FAM193A: variants seen among roughly 807,000 people sequenced by gnomAD.
The protein encoded by FAM193A is family with sequence similarity 193 member A.
In FAM193A, 22 loss-of-function variants were observed where a neutral mutation model predicts 126.5. That is an observed-to-expected ratio of 0.17 (90% CI 0.12 to 0.25). The LOEUF (loss-of-function observed/expected upper bound fraction) is 0.25, where lower values mean the gene tolerates loss of function less well. FAM193A is among the 10% of genes least tolerant of loss of function. The probability of loss-of-function intolerance (pLI) is 1.00; values close to 1 mark genes in which losing one functional copy is unlikely to be tolerated. For missense variants in FAM193A, 1,675 were observed against 1,672.8 expected, an observed-to-expected ratio of 1.00 and a Z score of -0.02; for synonymous variants, 761 against 646.8, an observed-to-expected ratio of 1.18 and a Z score of -2.68.
chr4:2,633,120 G>A lies in FAM193A; in HGVS notation c.1038+1951G>A, dbSNP rs559072067. ...AAATAATTTCTTGTGGCTTGAGGCC[G>A]GGTGCGGTGGCTCACGCCTGTAATT... On this transcript the variant is annotated intron_variant, in intron 5 of 20. Coordinates refer to ENST00000637812, the MANE Select transcript of FAM193A (RefSeq NM_001366318.2). Among the ~76,000 whole-genome samples the A allele has an allele frequency of 1.9e-4, 29 of 152,076 alleles. No individual in the cohort carries two copies. The South Asian group carries it at 5.0e-3, about 26-fold the overall frequency.
At chr4:2,693,118 C>A (rs1238009568) in intron 15 of FAM193A, among the ~76,000 whole-genome samples, 2 of 151,966 alleles carry the variant, frequency 1.3e-5, no homozygotes, top group African/African-American at 4.8e-5. Flanking sequence ...GTGGTGCGAT[C>A]TGTGATCCTC....
intron 1 of FAM193A, among the ~76,000 whole-genome samples, chr4:2,546,158 AAT>A (rs1491320522): frequency 1.2e-4 from 18 of 149,382 alleles, no homozygotes; most frequent in South Asian, 4.2e-4. Context: ...AAAAAAAAAA[AAT>A]TTTTTTTTTT....
In FAM193A at chr4:2,732,395, C is replaced by A; in HGVS notation, c.*527C>A. 1 of 165,546 alleles carries A rather than the reference C, an allele frequency of 6.0e-6. No homozygotes were observed. Among genetic ancestry groups the A allele is most frequent in the Non-Finnish European group, 1.3e-5 (1 of 76,108 alleles). The allele number at this position is 165,546 out of a possible 1,614,324, so 10.3% of individuals were successfully genotyped here. A position where few individuals can be genotyped will look rare whatever the true frequency, so the allele number is the denominator to read the frequency against. Reference sequence around the variant, plus strand: ...ACTTGTAGCCAGCTTGTGTAAGATCCCTTGCAGAACGAGAAAGTTAAAAAC... The same window carrying A: ...ACTTGTAGCCAGCTTGTGTAAGATCACTTGCAGAACGAGAAAGTTAAAAAC... On this transcript the variant is annotated 3_prime_UTR_variant, in exon 21 of 21. Transcript: ENST00000637812.
At chr4:2,713,963 G>A (rs1267430626) in intron 19 of FAM193A, among the ~76,000 whole-genome samples, 1 of 152,194 alleles carries the variant, frequency 6.6e-6, no homozygotes, top group Non-Finnish European at 1.5e-5. Flanking sequence ...GGTTAAAGTT[G>A]TGTTTCCTGT....
At chr4:2,591,737 T>C (rs1033428500) in intron 1 of FAM193A, among the ~76,000 whole-genome samples, 1 of 152,220 alleles carries the variant, frequency 6.6e-6, no homozygotes, top group Non-Finnish European at 1.5e-5. Context: ...AAAACTAGAA[T>C]ATAAGCCTAG....
intron 20 of FAM193A, 60 bp from the exon 21 acceptor site, chr4:2,731,715 A>G (rs191096061): frequency 3.7e-6 from 5 of 1,345,150 alleles, no homozygotes; most frequent in Middle Eastern, 2.0e-4. Flanking sequence ...GGCTTTGCCA[A>G]GCACCAGCTT....
Position 2,653,216 on chromosome 4 carries a change from T to C in FAM193A, c.1312-4587T>C, listed in dbSNP as rs1400173206. Among the ~76,000 whole-genome samples, 5 of 152,378 alleles carry C rather than the reference T, an allele frequency of 3.3e-5. No homozygotes were observed. The East Asian group carries it at 9.6e-4, about 29-fold the overall frequency. On this transcript the variant is annotated intron_variant, in intron 7 of 20. Coordinates refer to ENST00000637812, the MANE Select transcript of FAM193A (RefSeq NM_001366318.2). ...TTGGGAATAGTAATTTCTTCAGGTA[T>C]CTGTTTCTTGAAGGTAAACATTTAT...
chr4:2,625,224 T>A, intron 2 of FAM193A, 38 bp from the exon 3 acceptor site: 1 of 648,998 alleles, frequency 1.5e-6, no homozygotes. Flanking sequence ...GTGAACATTT[T>A]AACATAACTG....
intron 2 of FAM193A, among the ~76,000 whole-genome samples, chr4:2,618,665 G>C (rs1298001913): frequency 7.0e-6 from 1 of 143,490 alleles, no homozygotes. Flanking sequence ...GTGTGATCTC[G>C]TCTCACTGCA....
At position 2,628,754 on chromosome 4, in the gene FAM193A, G is replaced by A. The variant is rs146427519; in HGVS notation, c.803+2177G>A. Among the ~76,000 whole-genome samples the A allele has an allele frequency of 9.3e-3, 1,419 of 152,272 alleles. 10 individuals carry two copies. The highest frequency in any genetic ancestry group is 0.021 in the Middle Eastern group (6 of 290). On this transcript the variant is annotated intron_variant, in intron 4 of 20. Transcript: ENST00000637812. ...AACATTGCAACTTCAGTACTTTAGA[G>A]TAGCAGCCAGTGTGTAGTTGATGTG...
At chr4:2,649,449 G>A (rs1344729584) in intron 7 of FAM193A, among the ~76,000 whole-genome samples, 1 of 151,890 alleles carries the variant, frequency 6.6e-6, no homozygotes, top group African/African-American at 2.4e-5. Context: ...GAGGCAGGTG[G>A]ATTACTTGAG....
intron 20 of FAM193A, among the ~76,000 whole-genome samples, chr4:2,717,598 GAAAA>G (rs571958608): frequency 2.6e-5 from 3 of 115,384 alleles, no homozygotes; most frequent in Non-Finnish European, 5.3e-5. Flanking sequence ...TTTGTCTCAG[GAAAA>G]AAAAAAAAAA....
At chr4:2,649,226 T>C (rs1217236284) in intron 7 of FAM193A, among the ~76,000 whole-genome samples, 1 of 149,122 alleles carries the variant, frequency 6.7e-6, no homozygotes, top group Non-Finnish European at 1.5e-5. Context: ...ATTAAAAAAT[T>C]AGCCAGGCTG....
chr4:2,561,149 C>T (rs754403164), intron 1 of FAM193A, among the ~76,000 whole-genome samples: 1 of 152,206 alleles, frequency 6.6e-6, no homozygotes, highest in Non-Finnish European at 1.5e-5. Context: ...CTCAAGTTCA[C>T]ACTTAATATG....
In FAM193A at chr4:2,568,245, G is replaced by A. The variant is rs932900460; in HGVS notation, c.256-27839G>A. On this transcript the variant is annotated intron_variant, in intron 1 of 20. Transcript: ENST00000637812. ...AAATTTTTTTTCAAAAAGATTGGAA[G>A]TTTATTGAATGCAGAACAATTTTAA... 6.6e-5 allele frequency among the ~76,000 whole-genome samples: 10 copies of A among 152,174 alleles called. 1 individual carries two copies. The highest frequency in any genetic ancestry group is 1.0e-4 in the Non-Finnish European group (7 of 68,046).
chr4:2,652,393 A>G (rs373636935), intron 7 of FAM193A, among the ~76,000 whole-genome samples: 1 of 152,294 alleles, frequency 6.6e-6, no homozygotes, highest in South Asian at 2.1e-4. Context: ...CCATTCTTGC[A>G]TTGCTATAAA....
chr4:2,620,128 G>C (rs943930376), intron 2 of FAM193A, among the ~76,000 whole-genome samples: 1 of 152,156 alleles, frequency 6.6e-6, no homozygotes, highest in Non-Finnish European at 1.5e-5. Flanking sequence ...CTTTTAAATT[G>C]TGTTAGACTT....
intron 19 of FAM193A, among the ~76,000 whole-genome samples, chr4:2,714,711 G>A (rs1049849067): frequency 4.6e-5 from 7 of 152,176 alleles, no homozygotes; most frequent in Non-Finnish European, 7.3e-5. Flanking sequence ...GCTATTATGC[G>A]AGTAAAACGT....
At chr4:2,725,660 A>G (rs1432050014) in intron 20 of FAM193A, among the ~76,000 whole-genome samples, 1 of 151,744 alleles carries the variant, frequency 6.6e-6, no homozygotes, top group Admixed American at 6.6e-5. Context: ...TCAACAGTTT[A>G]TAGCCAATCA....
Sources: gnomAD v4.1 joint callset for allele counts (sites outside exome capture counted in the v4.1 genomes callset) on GRCh38, gnomAD v4.1.1 for gene constraint, MANE v1.5 for transcripts, NCBI Gene and HGNC (gene_info 2026-07-23, HGNC 2026-07-21) for gene names.